The following NDE1 variants were observed in gnomAD, a reference collection of about 807,000 sequenced individuals.
The protein encoded by NDE1 is nudE neurodevelopment protein 1.
In NDE1, 28 loss-of-function variants were observed where a neutral mutation model predicts 43.4. The observed-to-expected ratio is 0.65, with a 90% confidence interval of 0.48 to 0.89. The LOEUF is 0.89. Ranked by LOEUF, NDE1 falls within the 40% of genes least tolerant of loss-of-function variation. The pLI is 0.00. For synonymous variants in NDE1, 184 were observed against 172.0 expected (o/e 1.07, Z -0.55); for missense variants, 441 against 434.1 (o/e 1.02, Z -0.14).
intron 8 of NDE1, chr16:15,717,354 G>T (rs886051739): frequency 1.9e-6 from 3 of 1,604,568 alleles, no homozygotes; most frequent in African/African-American, 2.7e-5. Context: ...TCGGCCTGGG[G>T]AGGAGAGTGA....
At chr16:15,717,393 A>AAG (rs780854790) in intron 8 of NDE1, 11 of 1,593,658 alleles carry the variant, frequency 6.9e-6, no homozygotes. Context: ...AGGGAAGCCC[A>AAG]AGAGAGCGCA....
chr16:15,672,499 C>G (rs2151464614), intron 3 of NDE1, among the ~76,000 whole-genome samples: 1 of 152,280 alleles, frequency 6.6e-6, no homozygotes, highest in East Asian at 1.9e-4. Context: ...AAGTATTTGT[C>G]AGTCACCTAA....
At chr16:15,688,346 G>C (rs1182895059) in intron 5 of NDE1, among the ~76,000 whole-genome samples, 2 of 151,868 alleles carry the variant, frequency 1.3e-5, no homozygotes, top group African/African-American at 4.8e-5. Flanking sequence ...ACTGTAATGA[G>C]GCATTTGGCC....
intron 3 of NDE1, among the ~76,000 whole-genome samples, chr16:15,670,355 C>A (rs982312201): frequency 3.9e-5 from 6 of 152,040 alleles, no homozygotes; most frequent in East Asian, 1.9e-4. Flanking sequence ...GATGTGGGGG[C>A]CTTTCAAGAG....
intron 1 of NDE1, chr16:15,651,581 A>C (rs2036507558): frequency 6.6e-6 from 1 of 152,226 alleles, no homozygotes; most frequent in Admixed American, 6.5e-5. Flanking sequence ...AGCTGGGACT[A>C]CAGGTGCGTG....
chr16:15,704,203 C>T (rs1402223540), intron 8 of NDE1: 1 of 1,567,548 alleles, frequency 6.4e-7, no homozygotes, highest in Non-Finnish European at 8.7e-7. Flanking sequence ...CTATTTTAAA[C>T]TTGTAGCTAT....
chr16:15,673,608 C>T (rs1238374090), intron 3 of NDE1, among the ~76,000 whole-genome samples: 1 of 150,962 alleles, frequency 6.6e-6, no homozygotes, highest in Non-Finnish European at 1.5e-5. Context: ...TCATAGTTTA[C>T]TGGAGCCTCA....
intron 8 of NDE1, chr16:15,719,474 T>G: frequency 6.4e-7 from 1 of 1,557,484 alleles, no homozygotes; most frequent in South Asian, 1.1e-5. Context: ...TCTAGACAGG[T>G]GGACCCCAGA....
Position 15,717,052 on chromosome 16 carries a change from A to T in NDE1, c.948-7139A>T. On this transcript the variant is annotated intron_variant, in intron 8 of 8. Transcript: ENST00000396354. Reference sequence around the variant, plus strand: ...GCTTGCTTCTTACAAGCCAGAACTGATGCTGGAAGAGGTTCCCTGACTTCA... The same window carrying T: ...GCTTGCTTCTTACAAGCCAGAACTGTTGCTGGAAGAGGTTCCCTGACTTCA... 2.9e-6 allele frequency: 4 copies of T among 1,387,566 alleles called. No homozygotes were observed. In the South Asian group the frequency reaches 4.6e-5, roughly 16 times the overall value. 86.0% of individuals were successfully genotyped at this position (1,387,566 alleles called of 1,614,324 possible).
chr16:15,684,323 T>G lies in NDE1; in HGVS notation c.387-3052T>G, dbSNP rs1365029078. The G allele has an allele frequency of 2.0e-5, 3 of 152,150 alleles. 1 individual carries two copies. In the South Asian group the frequency reaches 6.2e-4, roughly 32 times the overall value. The allele number at this position is 152,150 out of a possible 1,614,324, so 9.4% of individuals were successfully genotyped here. On this transcript the variant is annotated intron_variant, in intron 4 of 8. Transcript: ENST00000396354. ...AATGCCACTGAAGGGCCAGGCATGG[T>G]GTCCAACACCTACAATCCCAGCACT... is the stretch of plus-strand genomic sequence containing the variant.
At chr16:15,708,121 G>C (rs149470922) in intron 8 of NDE1, among the ~76,000 whole-genome samples, 32 of 152,292 alleles carry the variant, frequency 2.1e-4, no homozygotes, top group Non-Finnish European at 2.8e-4. Flanking sequence ...TGCCAGGACT[G>C]TGCTTGGCTT....
intron 8 of NDE1, among the ~76,000 whole-genome samples, 186 bp from the exon 9 acceptor site, chr16:15,724,005 A>T (rs1484117516): frequency 6.6e-6 from 1 of 152,162 alleles, no homozygotes; most frequent in African/African-American, 2.4e-5. Context: ...TTAATGCTCC[A>T]TGGTCGCCCA....
chr16:15,656,346 T>G (rs1482949779), intron 1 of NDE1, among the ~76,000 whole-genome samples: 2 of 152,074 alleles, frequency 1.3e-5, no homozygotes, highest in African/African-American at 4.8e-5. Flanking sequence ...TCTGCTTATT[T>G]TCTCCTCAGT....
At chr16:15,721,758 G>C in intron 8 of NDE1, 1 of 957,736 alleles carries the variant, frequency 1.0e-6, no homozygotes, top group Non-Finnish European at 1.6e-6. Flanking sequence ...AGCAGTGTAG[G>C]TTAGCTATGG....
intron 4 of NDE1, chr16:15,683,315 C>T (rs1303738062): frequency 6.6e-6 from 1 of 152,074 alleles, no homozygotes; most frequent in Non-Finnish European, 1.5e-5. Flanking sequence ...CAAATTATTG[C>T]AATATTTTGC....
chr16:15,703,588 G>GGGT lies in NDE1; in HGVS notation c.947+6747_947+6749dup, dbSNP rs1223573737. ...TTTACCTTGAATACAGGGGTAGTAG[G>GGGT]GGTGGTGGTGGTGGTGGTGGTTGAG... is the stretch of plus-strand genomic sequence containing the variant. On this transcript the variant is annotated intron_variant, in intron 8 of 8. Transcript: ENST00000396354. The GGGT allele has an allele frequency of 8.2e-4, 310 of 376,018 alleles. 1 individual carries two copies. The highest frequency in any genetic ancestry group is 3.9e-3 in the Middle Eastern group (9 of 2,294). 23.3% of individuals were successfully genotyped at this position (376,018 alleles called of 1,614,324 possible). A position where few individuals can be genotyped will look rare whatever the true frequency, so the allele number is the denominator to read the frequency against.
At chr16:15,668,236 C>T (rs1199984594) in intron 3 of NDE1, among the ~76,000 whole-genome samples, 2 of 152,124 alleles carry the variant, frequency 1.3e-5, no homozygotes, top group African/African-American at 4.8e-5. Context: ...GTGGTACACG[C>T]CTATAGTCCC....
chr16:15,709,667 A>T (rs1464897586), intron 8 of NDE1, among the ~76,000 whole-genome samples: 1 of 152,108 alleles, frequency 6.6e-6, no homozygotes, highest in East Asian at 1.9e-4. Flanking sequence ...ACTTTTAAGA[A>T]CCTCCTATAA....
chr16:15,713,734 C>G (rs910011797), intron 8 of NDE1: 1 of 152,288 alleles, frequency 6.6e-6, no homozygotes, highest in African/African-American at 2.4e-5. Flanking sequence ...ATTCACCTGC[C>G]TTGGCCTCCC....
Sources: allele counts gnomAD v4.1 joint callset (sites outside exome capture counted in the v4.1 genomes callset), GRCh38; gene constraint gnomAD v4.1.1; transcripts MANE v1.5; gene names NCBI Gene and HGNC (gene_info 2026-07-23, HGNC 2026-07-21).